Variants in OPRM1 observed in about 807,000 individuals in gnomAD.
OPRM1 encodes the protein mu-type opioid receptor.
OPRM1 carries 27 observed loss-of-function variants against 31.8 expected under a neutral mutation model. The ratio of observed to expected loss-of-function variants is 0.85; its 90% confidence interval spans 0.63 to 1.17. The LOEUF (loss-of-function observed/expected upper bound fraction) is 1.17. OPRM1 is among the 50% of genes most tolerant of loss of function. The pLI is 0.00. For synonymous variants in OPRM1, 196 were observed against 189.9 expected (o/e 1.03, Z -0.26); for missense variants, 536 against 511.1 (o/e 1.05, Z -0.47).
intron 3 of OPRM1, among the ~76,000 whole-genome samples, chr6:154,206,544 A>T (rs1777511150): frequency 6.6e-6 from 1 of 152,232 alleles, no homozygotes; most frequent in Admixed American, 6.5e-5. Context: ...GAATTTAATA[A>T]TTAGAGAAAT....
At chr6:154,088,223 A>C (rs1221412327) in intron 1 of OPRM1, among the ~76,000 whole-genome samples, 1 of 152,236 alleles carries the variant, frequency 6.6e-6, no homozygotes, top group Non-Finnish European at 1.5e-5. Context: ...AAAAGAGTAC[A>C]TACTGAATGA....
At chr6:154,052,317 T>C (rs1782380104) in intron 1 of OPRM1, among the ~76,000 whole-genome samples, 1 of 152,200 alleles carries the variant, frequency 6.6e-6, no homozygotes, top group African/African-American at 2.4e-5. Flanking sequence ...ATGTTCTGCA[T>C]ATGTATCTTG....
intron 1 of OPRM1, among the ~76,000 whole-genome samples, chr6:154,071,554 T>TA (rs139569995): frequency 0.028 from 4,218 of 150,330 alleles, 147 homozygotes; most frequent in African/African-American, 0.082. Context: ...CCTGTAGTTT[T>TA]AAAAAAAAAA....
At chr6:154,076,035 T>C (rs1787826759) in intron 1 of OPRM1, among the ~76,000 whole-genome samples, 1 of 152,272 alleles carries the variant, frequency 6.6e-6, no homozygotes, top group African/African-American at 2.4e-5. Context: ...TCGAAAAGGC[T>C]ATCTCCATGT....
chr6:154,101,750 G>T (rs1408245071), intron 3 of OPRM1, among the ~76,000 whole-genome samples: 1 of 152,090 alleles, frequency 6.6e-6, no homozygotes, highest in Non-Finnish European at 1.5e-5. Context: ...AAATGTAAAA[G>T]ATGATAGTGA....
At chr6:154,012,818 T>G (rs1045183377) in intron 1 of OPRM1, among the ~76,000 whole-genome samples, 1 of 152,068 alleles carries the variant, frequency 6.6e-6, no homozygotes, top group African/African-American at 2.4e-5. Flanking sequence ...GGTGAGCGCT[T>G]TCTTCCAGGT....
Position 154,108,037 on chromosome 6 carries a change from G to T in OPRM1, c.1165-10646G>T. The T allele has an allele frequency of 6.0e-6, 4 of 661,256 alleles. No individual in the cohort carries two copies. The Admixed American group carries it at 6.5e-5, about 11-fold the overall frequency. 41.0% of individuals were successfully genotyped at this position (661,256 alleles called of 1,614,324 possible). A position where few individuals can be genotyped will look rare whatever the true frequency, so the allele number is the denominator to read the frequency against. ...ACAGAGAGAAAGAAGACAGAAATCTGACTGGTAAGAAATTGTTACCCTTTT... is the reference window on the plus strand; with the variant it reads ...ACAGAGAGAAAGAAGACAGAAATCTTACTGGTAAGAAATTGTTACCCTTTT... On this transcript the variant is annotated intron_variant, in intron 3 of 3. Transcript: ENST00000330432.
chr6:154,018,522 C>G (rs1015393390), intron 1 of OPRM1, among the ~76,000 whole-genome samples: 1 of 108,704 alleles, frequency 9.2e-6, no homozygotes, highest in African/African-American at 3.5e-5. Context: ...TTTTTTTTGT[C>G]TTTTCTGGCC....
chr6:154,238,568 G>A (rs1439194783), intron 3 of OPRM1, among the ~76,000 whole-genome samples: 1 of 152,060 alleles, frequency 6.6e-6, no homozygotes, highest in Non-Finnish European at 1.5e-5. Context: ...ACCCGGCCAA[G>A]CCTGTATGAT....
intron 3 of OPRM1, among the ~76,000 whole-genome samples, chr6:154,150,554 C>T (rs953389421): frequency 2.6e-5 from 4 of 152,210 alleles, no homozygotes; most frequent in African/African-American, 9.6e-5. Flanking sequence ...CTCATGGGAA[C>T]CCTCTGGGTA....
At chr6:154,014,459 A>G (rs1244264812) in intron 1 of OPRM1, among the ~76,000 whole-genome samples, 1 of 152,156 alleles carries the variant, frequency 6.6e-6, no homozygotes, top group African/African-American at 2.4e-5. Flanking sequence ...ATAGACAATG[A>G]GAGGAATTGA....
rs149327717 is a variant in OPRM1 at position 154,200,281 on chromosome 6, T to C, written c.1165-46412T>C. Among the ~76,000 whole-genome samples the C allele has an allele frequency of 5.7e-3, 865 of 152,354 alleles. 5 individuals carry two copies. Among genetic ancestry groups the C allele is most frequent in the African/African-American group, 0.02 (822 of 41,590 alleles). On this transcript the variant is annotated intron_variant, in intron 3 of 3. Coordinates refer to the OPRM1 transcript ENST00000337049. ...TTCTAGGATCTGAAAAATCTCCTTATCATGATTTGTCCTATTCTTCAATGC... is the reference window on the plus strand; with the variant it reads ...TTCTAGGATCTGAAAAATCTCCTTACCATGATTTGTCCTATTCTTCAATGC...
At chr6:154,118,188 G>A (rs1313642895) in intron 3 of OPRM1, among the ~76,000 whole-genome samples, 2 of 152,064 alleles carry the variant, frequency 1.3e-5, no homozygotes, top group African/African-American at 2.4e-5. Context: ...ATCAGGTAGG[G>A]TGTATACTTC....
chr6:154,161,541 A>G (rs1158095883), intron 3 of OPRM1, among the ~76,000 whole-genome samples: 2 of 152,100 alleles, frequency 1.3e-5, no homozygotes, highest in Non-Finnish European at 2.9e-5. Context: ...CCGTAAATCT[A>G]TACTTGAGGC....
chr6:154,026,629 T>C (rs1326476685), intron 1 of OPRM1, among the ~76,000 whole-genome samples: 2 of 152,168 alleles, frequency 1.3e-5, no homozygotes, highest in Non-Finnish European at 2.9e-5. Flanking sequence ...CTTTGTTTCA[T>C]TGTTTTTTAT....
downstream of OPRM1, among the ~76,000 whole-genome samples, chr6:154,132,571 C>A (rs1562501136): frequency 1.3e-5 from 2 of 152,162 alleles, no homozygotes; most frequent in Non-Finnish European, 2.9e-5. Flanking sequence ...ACCTTGACAA[C>A]CATAACTTCC....
intron 1 of OPRM1, among the ~76,000 whole-genome samples, chr6:154,053,876 T>A (rs966114723): frequency 1.3e-5 from 2 of 152,196 alleles, no homozygotes; most frequent in African/African-American, 4.8e-5. Flanking sequence ...CCAGACTCTC[T>A]TAAGCGAGAA....
intron 3 of OPRM1, among the ~76,000 whole-genome samples, chr6:154,186,367 C>A (rs1050129949): frequency 4.0e-4 from 61 of 152,324 alleles, no homozygotes; most frequent in African/African-American, 1.3e-3. Context: ...CGCATGTCAG[C>A]AAATTCCATT....
Position 154,039,437 on chromosome 6 carries a change from C to A in OPRM1, c.-108C>A, listed in dbSNP as rs1328682380. 3.9e-6 allele frequency: 6 copies of A among 1,551,574 alleles called. No homozygotes were observed. The East Asian group carries it at 1.5e-4, about 38-fold the overall frequency. ...CAGGACTGGTTTCTGTAAGAAACAG[C>A]AGGAGCTGTGGCAGCGGCGAAAGGA... is the stretch of plus-strand genomic sequence containing the variant. On this transcript the variant is annotated 5_prime_UTR_variant, in exon 1 of 4. Transcript: ENST00000330432.
Sources: allele counts gnomAD v4.1 joint callset (sites outside exome capture counted in the v4.1 genomes callset), GRCh38; gene constraint gnomAD v4.1.1; transcripts MANE v1.5; gene names NCBI Gene and HGNC (gene_info 2026-07-23, HGNC 2026-07-21).